Variants in VPS13A observed in about 807,000 individuals in gnomAD.
VPS13A encodes intermembrane lipid transfer protein VPS13A.
A neutral mutation model predicts 390.9 loss-of-function variants in VPS13A; 264 were observed. The observed-to-expected ratio is 0.68, with a 90% CI of 0.61 to 0.75. The LOEUF is 0.75. VPS13A is among the 30% of genes least tolerant of loss of function. The pLI is 0.00. For missense variants in VPS13A, 3,409 were observed against 3,733.9 expected (o/e 0.91, Z 2.27); for synonymous variants, 1,231 against 1,227.1 (o/e 1.00, Z -0.07).
At chr9:77,212,931 A>G in intron 7 of VPS13A, 38 bp from the exon 8 acceptor site, 3 of 1,605,056 alleles carry the variant, frequency 1.9e-6, no homozygotes. Flanking sequence ...TTCAAATGGA[A>G]TGACCTTTTT....
intron 23 of VPS13A, among the ~76,000 whole-genome samples, chr9:77,269,651 TA>T (rs1826239600): frequency 6.6e-6 from 1 of 152,248 alleles, no homozygotes; most frequent in Non-Finnish European, 1.5e-5. Flanking sequence ...ATTAACATGG[TA>T]TATCTCTCCA....
intron 31 of VPS13A, among the ~76,000 whole-genome samples, chr9:77,284,813 C>T (rs1358149483): frequency 6.6e-6 from 1 of 151,906 alleles, no homozygotes; most frequent in African/African-American, 2.4e-5. Context: ...CAGTGATTCT[C>T]GTGCCTCAGC....
chr9:77,404,722 G>A (rs1305998741), intron 69 of VPS13A, among the ~76,000 whole-genome samples: 1 of 152,224 alleles, frequency 6.6e-6, no homozygotes, highest in African/African-American at 2.4e-5. Context: ...AATAAAACGT[G>A]ATGGTTATAC....
rs758612012 is a variant in VPS13A at position 77,238,022 on chromosome 9, C to G, written c.1616C>G (p.Ser539Ter). ...QAIKFETKID[S>*]FHITGLPDNS... is the part of the protein sequence containing the mutation. ...TGCAGATTTGAAACTAAAATAGATT[C>G]ATTTCATATTACTGGCTTACCAGAT... Residue 539 changes from serine (S) to a stop codon, truncating the protein, a stop_gained, in exon 18 of 72, where the codon TCA becomes TGA. Transcript: ENST00000360280. LOFTEE classifies it high-confidence loss of function. 1.2e-6 allele frequency: 2 copies of G among 1,609,072 alleles called. No homozygotes were observed. The highest frequency in any genetic ancestry group is 1.7e-5 in the Admixed American group (1 of 59,894).
chr9:77,407,758 C>CTAGAT (rs1834694922), intron 71 of VPS13A, 151 bp downstream of exon 71: 1 of 661,836 alleles, frequency 1.5e-6, no homozygotes, highest in African/African-American at 1.8e-5. Flanking sequence ...GTATATGTAA[C>CTAGAT]CAGATAATAT....
intron 31 of VPS13A, among the ~76,000 whole-genome samples, chr9:77,288,320 T>G (rs534368352): frequency 2.0e-5 from 3 of 152,342 alleles, no homozygotes; most frequent in South Asian, 4.1e-4. Flanking sequence ...TCCTTCCTTC[T>G]GCCTGCTTTG....
intron 45 of VPS13A, among the ~76,000 whole-genome samples, chr9:77,330,513 T>C (rs1462398772): frequency 2.0e-5 from 3 of 152,214 alleles, no homozygotes; most frequent in African/African-American, 7.2e-5. Flanking sequence ...GGTAACTAAC[T>C]TCACATTCCA....
chr9:77,213,338 A>G, intron 9 of VPS13A, 24 bp downstream of exon 9: 1 of 1,564,156 alleles, frequency 6.4e-7, no homozygotes, highest in South Asian at 1.1e-5. Context: ...TTCTGTATGT[A>G]TTTGTTGGTA....
chr9:77,231,461 A>G (rs1246130118), intron 17 of VPS13A, among the ~76,000 whole-genome samples: 1 of 152,084 alleles, frequency 6.6e-6, no homozygotes, highest in Non-Finnish European at 1.5e-5. Context: ...TTTATTTTAA[A>G]TTATAGCCAT....
chr9:77,301,437 G>C (rs928428902), intron 33 of VPS13A, among the ~76,000 whole-genome samples: 1 of 152,156 alleles, frequency 6.6e-6, no homozygotes, highest in Non-Finnish European at 1.5e-5. Flanking sequence ...CAAGCATGCA[G>C]GCATATGTAA....
intron 31 of VPS13A, among the ~76,000 whole-genome samples, chr9:77,284,877 T>C (rs1400902537): frequency 6.6e-6 from 1 of 151,984 alleles, no homozygotes; most frequent in African/African-American, 2.4e-5. Context: ...CTAATTTTTA[T>C]ATTTTTAGTA....
chr9:77,377,090 G>A (rs550766536), intron 67 of VPS13A, among the ~76,000 whole-genome samples: 109 of 150,714 alleles, frequency 7.2e-4, no homozygotes, highest in East Asian at 3.9e-4. Flanking sequence ...AAAATGCAAC[G>A]TCTTTCCATT....
At position 77,405,950 on chromosome 9, in the gene VPS13A, T is replaced by TC; in HGVS notation, c.9363dup (p.Ile3122HisfsTer10). The TC allele has an allele frequency of 6.2e-7, 1 of 1,613,966 alleles. No individual in the cohort carries two copies. Among genetic ancestry groups the TC allele is most frequent in the Non-Finnish European group, 8.5e-7 (1 of 1,179,980 alleles). On this transcript the variant is annotated frameshift_variant, in exon 70 of 72. Transcript: ENST00000360280. LOFTEE classifies it high-confidence loss of function. ...TTTGATGAATTTACCAAAGAGCCAT[T>TC]CATTGTTCATGGGAGAAGATTGCGC... is the stretch of plus-strand genomic sequence containing the variant.
In VPS13A at chr9:77,220,253, G is replaced by A. The variant is rs370453505; in HGVS notation, c.883-24G>A. 4 of 1,590,190 alleles carry A rather than the reference G, an allele frequency of 2.5e-6. No individual in the cohort carries two copies. The Admixed American group carries it at 6.7e-5, about 27-fold the overall frequency. ...GAACAAAAAAATGTGATACATTTAAGAGCTTTAATTTTCCATTCTTTAGTA... is the reference window on the plus strand; with the variant it reads ...GAACAAAAAAATGTGATACATTTAAAAGCTTTAATTTTCCATTCTTTAGTA... On this transcript the variant is annotated intron_variant, in intron 11 of 71. Coordinates refer to ENST00000360280, the MANE Select transcript of VPS13A (RefSeq NM_033305.3).
At chr9:77,242,792 A>G (rs917534582) in intron 19 of VPS13A, among the ~76,000 whole-genome samples, 1 of 151,972 alleles carries the variant, frequency 6.6e-6, no homozygotes, top group Non-Finnish European at 1.5e-5. Context: ...AAAATTACCA[A>G]ACAGTAAATA....
At chr9:77,310,398 A>G (rs192143541) in intron 35 of VPS13A, among the ~76,000 whole-genome samples, 1 of 152,350 alleles carries the variant, frequency 6.6e-6, no homozygotes, top group Admixed American at 6.5e-5. Flanking sequence ...CATAGTATGT[A>G]GGATACAGAG....
intron 68 of VPS13A, chr9:77,382,731 G>C: frequency 1.0e-6 from 1 of 986,976 alleles, no homozygotes. Context: ...CCCTCTTCCT[G>C]CTTTATTCTA....
At chr9:77,306,819 A>T (rs1050591033) in intron 34 of VPS13A, among the ~76,000 whole-genome samples, 1 of 152,160 alleles carries the variant, frequency 6.6e-6, no homozygotes, top group African/African-American at 2.4e-5. Context: ...AAAGTGACAT[A>T]CAAAATTAAC....
intron 45 of VPS13A, 102 bp downstream of exon 45, chr9:77,323,329 G>GT: frequency 7.2e-7 from 1 of 1,383,774 alleles, no homozygotes; most frequent in Non-Finnish European, 1.0e-6. Context: ...AATATAAACC[G>GT]TAACAGTAAT....
Sources: gnomAD v4.1 joint callset for allele counts (sites outside exome capture counted in the v4.1 genomes callset) on GRCh38, gnomAD v4.1.1 for gene constraint, MANE v1.5 for transcripts, NCBI Gene and HGNC (gene_info 2026-07-23, HGNC 2026-07-21) for gene names.